The following RFX7 variants were observed in gnomAD, a reference collection of about 807,000 sequenced individuals.
RFX7 encodes DNA-binding protein RFX7.
RFX7 carries 26 observed loss-of-function variants against 111.8 expected under a neutral mutation model. The ratio of observed to expected loss-of-function variants is 0.23; its 90% CI spans 0.17 to 0.32. RFX7 has a LOEUF of 0.32. Ranked by LOEUF, RFX7 falls within the 10% of genes least tolerant of loss-of-function variation. The pLI is 1.00. For missense variants in RFX7, 1,573 were observed against 1,772.9 expected (o/e 0.89, Z 2.02); for synonymous variants, 624 against 624.4 (o/e 1.00, Z 0.01).
intron 2 of RFX7, among the ~76,000 whole-genome samples, chr15:56,216,383 T>C (rs1175768516): frequency 6.6e-6 from 1 of 152,236 alleles, no homozygotes; most frequent in Non-Finnish European, 1.5e-5. Flanking sequence ...TTAGAATGCA[T>C]CCATTGTATT....
At chr15:56,152,183 C>T (rs12594103) in intron 3 of RFX7, among the ~76,000 whole-genome samples, 19,791 of 152,152 alleles carry the variant, frequency 0.13, 1,677 homozygotes, top group East Asian at 0.44. Context: ...GACTTGAACT[C>T]GGCTCTGGAC....
Position 56,094,086 on chromosome 15 carries a change from T to C in RFX7, c.3642A>G (p.Ala1214=). The C allele has an allele frequency of 6.2e-7, 1 of 1,614,006 alleles. No homozygotes were observed. The highest frequency in any genetic ancestry group is 8.5e-7 in the Non-Finnish European group (1 of 1,179,882). The part of the protein sequence containing the change: ...VHVFTNVHTD[A]CANNIAQRSQ... ...TTCTTTGAGCTATGTTGTTGGCACA[T>C]GCGTCTGTGTGAACATTTGTGAAAA... is the stretch of plus-strand genomic sequence containing the variant. Residue 1214 remains alanine, a synonymous_variant, in exon 10 of 10, where the codon GCA becomes GCG. Coordinates refer to ENST00000559447, the MANE Select transcript of RFX7 (RefSeq NM_022841.7).
chr15:56,096,136 C>G lies in RFX7; in HGVS notation c.1592G>C (p.Gly531Ala). 6.2e-7 allele frequency: 1 copy of G among 1,613,720 alleles called. No individual in the cohort carries two copies. Among genetic ancestry groups the G allele is most frequent in the South Asian group, 1.1e-5 (1 of 91,044 alleles). ...SPGSRSSSAG[G>A]TSAVEVKVEP... ...CACTTTGACTTCCACAGCAGATGTT[C>G]CCCCCGCACTGCTGCTCCTGGACCC... is the stretch of plus-strand genomic sequence containing the variant. The change falls in exon 10 of 10, where the codon GGA becomes GCA. Residue 531 changes from glycine to alanine, a missense_variant. This residue lies in a region of RFX7 where 625 missense variants were observed against 632.2 expected (regional missense o/e 0.99). Coordinates refer to ENST00000559447, the MANE Select transcript of RFX7 (RefSeq NM_022841.7).
At chr15:56,204,282 G>C (rs927013179) in intron 2 of RFX7, among the ~76,000 whole-genome samples, 2 of 152,134 alleles carry the variant, frequency 1.3e-5, no homozygotes, top group East Asian at 1.9e-4. Flanking sequence ...GCCTCCCAAA[G>C]TGTTGGGATT....
chr15:56,218,024 G>A (rs1474511072), intron 2 of RFX7, among the ~76,000 whole-genome samples: 2 of 151,566 alleles, frequency 1.3e-5, no homozygotes, highest in African/African-American at 4.9e-5. Context: ...AGATGGTTGT[G>A]CCTGTACTGA....
intron 2 of RFX7, among the ~76,000 whole-genome samples, chr15:56,217,825 A>C (rs2043378315): frequency 6.6e-6 from 1 of 152,220 alleles, no homozygotes; most frequent in Non-Finnish European, 1.5e-5. Context: ...AAATGACAGT[A>C]ATCCATATTC....
chr15:56,192,849 G>C (rs1326277109), intron 2 of RFX7: 1 of 222,546 alleles, frequency 4.5e-6, no homozygotes, highest in Non-Finnish European at 9.7e-6. Flanking sequence ...CAAAGAGGAA[G>C]TGCTGCTGGC....
rs1467242385 is a variant in RFX7, at chr15:56,101,362, CTGG to C, written c.805_807del (p.Pro269del). ...CTTGTTCACAGTAATGTTGTACCTG[CTGG>C]TGCTGCTGCCATTACAGTTAGAGCT... On this transcript the variant is annotated inframe_deletion, in exon 8 of 10. Coordinates refer to ENST00000559447, the MANE Select transcript of RFX7 (RefSeq NM_022841.7). The C allele has an allele frequency of 6.3e-7, 1 of 1,584,382 alleles. No individual in the cohort carries two copies. Among genetic ancestry groups the C allele is most frequent in the Non-Finnish European group, 8.6e-7 (1 of 1,164,738 alleles).
chr15:56,244,952 G>A (rs1391704161), upstream of RFX7, among the ~76,000 whole-genome samples: 16 of 152,310 alleles, frequency 1.1e-4, 1 homozygote, highest in Non-Finnish European at 4.4e-5. Context: ...CAACAGCCAA[G>A]GCCTCTGGCA....
intron 5 of RFX7, among the ~76,000 whole-genome samples, chr15:56,128,599 A>ATACT (rs2042174761): frequency 6.6e-6 from 1 of 152,186 alleles, no homozygotes; most frequent in Non-Finnish European, 1.5e-5. Flanking sequence ...AGATAATATC[A>ATACT]TACTTAATGG....
chr15:56,189,926 C>G (rs1481382794), intron 2 of RFX7: 1 of 152,150 alleles, frequency 6.6e-6, no homozygotes, highest in Admixed American at 6.5e-5. Flanking sequence ...TAATTCCAAA[C>G]TGGAATCAAT....
chr15:56,164,057 G>T (rs1320976484), intron 3 of RFX7, among the ~76,000 whole-genome samples: 1 of 152,224 alleles, frequency 6.6e-6, no homozygotes, highest in East Asian at 1.9e-4. Flanking sequence ...AAGAGTGCAT[G>T]TCATGTTTAA....
chr15:56,186,067 T>C (rs919959536), intron 2 of RFX7, among the ~76,000 whole-genome samples: 6 of 152,204 alleles, frequency 3.9e-5, no homozygotes, highest in Admixed American at 1.3e-4. Flanking sequence ...GAAACTGTTA[T>C]ATCAAATGAA....
intron 5 of RFX7, among the ~76,000 whole-genome samples, chr15:56,129,834 A>G (rs80031455): frequency 0.012 from 1,877 of 152,054 alleles, 42 homozygotes; most frequent in African/African-American, 0.041. Context: ...TGGTTTTGGT[A>G]TTTTTCTGAT....
intron 2 of RFX7, among the ~76,000 whole-genome samples, chr15:56,234,845 TGA>T (rs769991371): frequency 1.3e-5 from 2 of 152,196 alleles, no homozygotes; most frequent in Admixed American, 6.5e-5. Flanking sequence ...TATTAGAAAA[TGA>T]GAGTGTTTCA....
intron 3 of RFX7, among the ~76,000 whole-genome samples, chr15:56,154,295 T>C (rs1399637179): frequency 1.3e-5 from 2 of 152,028 alleles, no homozygotes; most frequent in Non-Finnish European, 2.9e-5. Context: ...AAACTACATA[T>C]GGAACCAAAA....
intron 3 of RFX7, among the ~76,000 whole-genome samples, chr15:56,169,752 C>T (rs1041279217): frequency 4.9e-5 from 7 of 141,432 alleles, no homozygotes; most frequent in Middle Eastern, 4.4e-3. Flanking sequence ...TCCCACTTCA[C>T]CTGCTCAAAT....
intron 2 of RFX7, among the ~76,000 whole-genome samples, chr15:56,180,909 T>G (rs1490831298): frequency 1.3e-5 from 2 of 152,104 alleles, no homozygotes; most frequent in Non-Finnish European, 2.9e-5. Flanking sequence ...AGAGCAAGAC[T>G]CCGTCTCCAA....
upstream of RFX7, among the ~76,000 whole-genome samples, chr15:56,244,482 C>G (rs527487027): frequency 3.3e-5 from 5 of 152,238 alleles, no homozygotes; most frequent in South Asian, 1.0e-3. Context: ...TGCAAGAACT[C>G]CCGGCTCCAA....
Sources: gnomAD v4.1 joint callset for allele counts (sites outside exome capture counted in the v4.1 genomes callset) on GRCh38, gnomAD v4.1.1 for gene constraint, gnomAD v4.1.1 regional missense constraint, MANE v1.5 for transcripts, NCBI Gene and HGNC (gene_info 2026-07-23, HGNC 2026-07-21) for gene names.